The following DUSP22 variants were observed in gnomAD, a reference collection of about 807,000 sequenced individuals.
DUSP22 encodes the protein dual specificity protein phosphatase 22.
DUSP22 carries 24 observed loss-of-function variants against 24.5 expected under a neutral mutation model. The observed-to-expected ratio is 0.98, with a 90% CI of 0.71 to 1.38. DUSP22 has a LOEUF of 1.38. Ranked by LOEUF, DUSP22 falls within the 40% of genes most tolerant of loss-of-function variation. DUSP22 has a pLI of 0.00. For synonymous variants in DUSP22, 160 were observed against 106.4 expected (o/e 1.50, Z -3.10); for missense variants, 330 against 269.2 (o/e 1.23, Z -1.58).
chr6:327,865 G>T (rs906595296), intron 3 of DUSP22, among the ~76,000 whole-genome samples: 9 of 152,422 alleles, frequency 5.9e-5, no homozygotes, highest in African/African-American at 2.2e-4. Context: ...GCAGCCCAGG[G>T]TTGCTGGAGT....
chr6:295,451 C>T (rs1414808405), intron 1 of DUSP22, among the ~76,000 whole-genome samples: 3 of 152,254 alleles, frequency 2.0e-5, no homozygotes, highest in African/African-American at 7.2e-5. Context: ...GGGAAAAAGG[C>T]TTTTATATTC....
At chr6:336,443 A>G (rs1759365910) in intron 4 of DUSP22, among the ~76,000 whole-genome samples, 1 of 152,306 alleles carries the variant, frequency 6.6e-6, no homozygotes, top group Non-Finnish European at 1.5e-5. Flanking sequence ...TAGGTGTGCC[A>G]CCACTCTGGG....
intron 3 of DUSP22, among the ~76,000 whole-genome samples, chr6:318,887 C>T (rs921423303): frequency 3.3e-5 from 5 of 152,294 alleles, no homozygotes; most frequent in Admixed American, 1.3e-4. Flanking sequence ...AAAAGGAAGA[C>T]GTCTGTGTGT....
intron 3 of DUSP22, among the ~76,000 whole-genome samples, chr6:319,388 C>T (rs966877): frequency 5.3e-5 from 8 of 152,304 alleles, no homozygotes; most frequent in South Asian, 4.1e-4. Context: ...TGTCCACGGC[C>T]GATTGGTACA....
intron 1 of DUSP22, among the ~76,000 whole-genome samples, chr6:301,280 G>GA (rs1172220241): frequency 2.6e-5 from 4 of 152,304 alleles, no homozygotes; most frequent in African/African-American, 9.6e-5. Flanking sequence ...CAAACAGTGG[G>GA]AACCTCTTCT....
chr6:316,161 C>T (rs1443602475), intron 3 of DUSP22, among the ~76,000 whole-genome samples: 1 of 152,290 alleles, frequency 6.6e-6, no homozygotes, highest in African/African-American at 2.4e-5. Context: ...GCCTCTATGG[C>T]TTAACCAGGC....
chr6:300,531 G>C (rs1309193529), intron 1 of DUSP22, among the ~76,000 whole-genome samples: 2 of 152,308 alleles, frequency 1.3e-5, no homozygotes, highest in Non-Finnish European at 2.9e-5. Flanking sequence ...GAGCCTGAAA[G>C]TTCAAAGAGG....
In DUSP22 at chr6:311,855, G is replaced by A. The variant is rs757154568; in HGVS notation, c.56-25G>A. On this transcript the variant is annotated intron_variant, in intron 2 of 6. Transcript: ENST00000419235. ...AATTAACTTGCAAAGATATCAAAAT[G>A]TCCATCCCCTTTCTTCTCTGACAGA... 5.7e-6 allele frequency: 9 copies of A among 1,588,758 alleles called. No homozygotes were observed. The African/African-American group carries it at 8.1e-5, about 14-fold the overall frequency.
intron 3 of DUSP22, among the ~76,000 whole-genome samples, chr6:315,032 G>T (rs1758278739): frequency 6.6e-6 from 1 of 152,310 alleles, no homozygotes; most frequent in African/African-American, 2.4e-5. Context: ...TCAGGGAGTG[G>T]CTGGGTGGTC....
intron 3 of DUSP22, among the ~76,000 whole-genome samples, chr6:314,736 A>G (rs1245863987): frequency 6.6e-6 from 1 of 152,302 alleles, no homozygotes; most frequent in Non-Finnish European, 1.5e-5. Flanking sequence ...GTGCTTGCTT[A>G]TGTGATGTGC....
At chr6:317,605 C>T (rs1581163175) in intron 3 of DUSP22, among the ~76,000 whole-genome samples, 2 of 152,250 alleles carry the variant, frequency 1.3e-5, no homozygotes, top group East Asian at 3.9e-4. Context: ...GGCCATGAGA[C>T]ACGTGTGCAC....
At chr6:307,453 A>AT (rs1431529017) in intron 2 of DUSP22, among the ~76,000 whole-genome samples, 2 of 152,298 alleles carry the variant, frequency 1.3e-5, no homozygotes, top group Non-Finnish European at 2.9e-5. Context: ...GCGCCTGGTG[A>AT]TTTTTGCTCC....
At chr6:331,167 C>T (rs966049333) in intron 3 of DUSP22, among the ~76,000 whole-genome samples, 14 of 152,420 alleles carry the variant, frequency 9.2e-5, no homozygotes, top group East Asian at 5.8e-4. Context: ...CGTAACTTGA[C>T]GTTTAATAGC....
intron 5 of DUSP22, 116 bp downstream of exon 5, chr6:346,044 C>G: frequency 1.5e-6 from 2 of 1,329,204 alleles, no homozygotes; most frequent in South Asian, 2.5e-5. Flanking sequence ...TTCTGTAAAC[C>G]CTGACTCTCA....
chr6:340,706 T>TA (rs1281416673), intron 4 of DUSP22, among the ~76,000 whole-genome samples: 3 of 152,308 alleles, frequency 2.0e-5, no homozygotes, highest in Admixed American at 6.5e-5. Context: ...TTGCTGCTGT[T>TA]ATAGCGTGGT....
chr6:341,433 C>A (rs1759602063), intron 4 of DUSP22, among the ~76,000 whole-genome samples: 1 of 152,308 alleles, frequency 6.6e-6, no homozygotes. Context: ...AGTTTAATGA[C>A]CAGAGTTGGG....
intron 3 of DUSP22, among the ~76,000 whole-genome samples, chr6:314,993 C>T (rs2127399953): frequency 6.6e-6 from 1 of 152,428 alleles, no homozygotes; most frequent in East Asian, 1.9e-4. Context: ...TGTTATCAGG[C>T]CTTCAGAGTG....
At chr6:304,222 C>T (rs1391095099) in intron 1 of DUSP22, among the ~76,000 whole-genome samples, 1 of 152,310 alleles carries the variant, frequency 6.6e-6, no homozygotes, top group Admixed American at 6.5e-5. Flanking sequence ...TCAGGACTGG[C>T]CAAGGGTGAG....
At chr6:301,313 G>A (rs1757571241) in intron 1 of DUSP22, among the ~76,000 whole-genome samples, 1 of 152,312 alleles carries the variant, frequency 6.6e-6, no homozygotes, top group Non-Finnish European at 1.5e-5. Flanking sequence ...AATATTTAGG[G>A]CAAAGAAAGT....
Sources: allele counts gnomAD v4.1 joint callset (sites outside exome capture counted in the v4.1 genomes callset), GRCh38; gene constraint gnomAD v4.1.1; transcripts MANE v1.5; gene names NCBI Gene and HGNC (gene_info 2026-07-23, HGNC 2026-07-21).